ZNF430: variants seen among roughly 807,000 people sequenced by gnomAD.
ZNF430 encodes the protein zinc finger protein 430.
In ZNF430, 35 loss-of-function variants were observed where a neutral mutation model predicts 56.7. That is an observed-to-expected ratio of 0.62 (90% confidence interval 0.47 to 0.82). The LOEUF is 0.82. Ranked by LOEUF, ZNF430 falls within the 40% of genes least tolerant of loss-of-function variation. ZNF430 has a pLI of 0.00. For missense variants in ZNF430, 574 were observed against 661.0 expected, an observed-to-expected ratio of 0.87 and a Z score of 1.44; for synonymous variants, 212 against 224.3, an observed-to-expected ratio of 0.94 and a Z score of 0.49.
chr19:21,042,712 T>C (rs541290106), intron 4 of ZNF430, among the ~76,000 whole-genome samples: 20 of 151,608 alleles, frequency 1.3e-4, no homozygotes, highest in Admixed American at 1.3e-3. Context: ...GGCGTGAACC[T>C]GGGAGGCAGA....
intron 4 of ZNF430, chr19:21,036,650 A>T (rs1210549946): frequency 6.6e-6 from 1 of 152,054 alleles, no homozygotes; most frequent in Non-Finnish European, 1.5e-5. Context: ...AATGTTTTTT[A>T]AAAATAGCCA....
At chr19:21,048,475 A>G (rs1050235655) in intron 4 of ZNF430, among the ~76,000 whole-genome samples, 2 of 151,994 alleles carry the variant, frequency 1.3e-5, no homozygotes, top group East Asian at 1.9e-4. Context: ...GACACAGTAC[A>G]TGTTTTAGAG....
intron 2 of ZNF430, among the ~76,000 whole-genome samples, chr19:21,033,073 G>A (rs1404566276): frequency 1.3e-5 from 2 of 151,750 alleles, no homozygotes; most frequent in Non-Finnish European, 2.9e-5. Flanking sequence ...AAATTATTGG[G>A]GCCGGGCATG....
At chr19:21,028,603 T>C (rs1967845807) in intron 2 of ZNF430, among the ~76,000 whole-genome samples, 1 of 152,234 alleles carries the variant, frequency 6.6e-6, no homozygotes, top group Non-Finnish European at 1.5e-5. Flanking sequence ...GGCAGAATTG[T>C]GTCAGGCTGA....
chr19:21,055,559 C>T (rs1968361161), intron 4 of ZNF430, among the ~76,000 whole-genome samples: 1 of 152,096 alleles, frequency 6.6e-6, no homozygotes. Flanking sequence ...AGTGATTCTC[C>T]TGCCTCAGCC....
chr19:21,041,073 G>A (rs923067527), intron 4 of ZNF430, among the ~76,000 whole-genome samples: 24 of 152,178 alleles, frequency 1.6e-4, no homozygotes, highest in South Asian at 2.1e-4. Flanking sequence ...TATAGACAGC[G>A]TATTGTATGC....
chr19:21,024,388 T>A (rs938349891), intron 2 of ZNF430, among the ~76,000 whole-genome samples: 62 of 152,200 alleles, frequency 4.1e-4, no homozygotes, highest in African/African-American at 1.4e-3. Flanking sequence ...TCCAAAGGAC[T>A]ATTGCAACAG....
In ZNF430 at chr19:21,059,784, CATG is replaced by C. The variant is rs1333485154; in HGVS notation, c.*1765_*1767del. ...TGATCAGTTATTGCTGCATTAAAAA[CATG>C]AGTCTTTTTTATTAGGTGGCCATTA... On this transcript the variant is annotated 3_prime_UTR_variant, in exon 5 of 5. Coordinates refer to ENST00000261560, the MANE Select transcript of ZNF430 (RefSeq NM_025189.4). 6.6e-6 allele frequency: 1 copy of C among 152,016 alleles called. No homozygotes were observed. The highest frequency in any genetic ancestry group is 1.5e-5 in the Non-Finnish European group (1 of 68,000). The allele number at this position is 152,016 out of a possible 1,614,324, so 9.4% of individuals were successfully genotyped here.
chr19:21,033,396 A>G, intron 2 of ZNF430, 60 bp from the exon 3 acceptor site: 1 of 1,553,182 alleles, frequency 6.4e-7, no homozygotes, highest in East Asian at 2.4e-5. Flanking sequence ...TTCAAATAAT[A>G]AATTCTGCCC....
rs1968429710 is a variant in ZNF430 at position 21,059,254 on chromosome 19, T to G, written c.*1233T>G. 6.6e-6 allele frequency: 1 copy of G among 151,944 alleles called. No homozygotes were observed. Among genetic ancestry groups the G allele is most frequent in the South Asian group, 2.1e-4 (1 of 4,810 alleles). The allele number at this position is 151,944 out of a possible 1,614,324, so 9.4% of individuals were successfully genotyped here. On this transcript the variant is annotated 3_prime_UTR_variant, in exon 5 of 5. Coordinates refer to ENST00000261560, the MANE Select transcript of ZNF430 (RefSeq NM_025189.4). ...GAGTGCTGAGTATAGAAAATAAAAC[T>G]GAAGTTGGGGCCAGGTGCAGTGGCT...
At chr19:21,052,810 C>A (rs1049687566) in intron 4 of ZNF430, among the ~76,000 whole-genome samples, 2 of 152,050 alleles carry the variant, frequency 1.3e-5, no homozygotes, top group Non-Finnish European at 2.9e-5. Flanking sequence ...CTATCCAAAC[C>A]CAAAGAATGG....
chr19:21,044,223 A>G (rs541858793), intron 4 of ZNF430, among the ~76,000 whole-genome samples: 49 of 152,188 alleles, frequency 3.2e-4, no homozygotes, highest in African/African-American at 1.2e-3. Flanking sequence ...TGGGTTCATC[A>G]TAAATGACTC....
intron 2 of ZNF430, among the ~76,000 whole-genome samples, chr19:21,023,723 TTC>T (rs150523310): frequency 6.6e-6 from 1 of 152,188 alleles, no homozygotes; most frequent in Admixed American, 6.5e-5. Context: ...AAACATGAGT[TTC>T]TCTCTCTGCA....
At chr19:21,033,674 A>T in intron 3 of ZNF430, 92 bp downstream of exon 3, 1 of 1,372,550 alleles carries the variant, frequency 7.3e-7, no homozygotes, top group South Asian at 1.5e-5. Context: ...TATGCTTTGC[A>T]TAAATGAGTT....
intron 4 of ZNF430, among the ~76,000 whole-genome samples, chr19:21,038,967 C>T (rs1190164301): frequency 6.6e-6 from 1 of 151,580 alleles, no homozygotes; most frequent in African/African-American, 2.4e-5. Context: ...CTGATTGATT[C>T]GAGACAGAGT....
intron 2 of ZNF430, among the ~76,000 whole-genome samples, chr19:21,031,256 AT>A (rs1395652742): frequency 1.3e-5 from 2 of 152,018 alleles, no homozygotes; most frequent in Non-Finnish European, 2.9e-5. Context: ...GATTTCGTTT[AT>A]TGTTCTGGGT....
chr19:21,052,120 T>G (rs1243433895), intron 4 of ZNF430, among the ~76,000 whole-genome samples: 1 of 152,200 alleles, frequency 6.6e-6, no homozygotes, highest in Admixed American at 6.5e-5. Context: ...GTTATAAATT[T>G]TTCAGTTTTT....
chr19:21,034,918 G>C (rs1967971155), intron 4 of ZNF430: 1 of 151,974 alleles, frequency 6.6e-6, no homozygotes, highest in Non-Finnish European at 1.5e-5. Flanking sequence ...GTTTTTTGTT[G>C]TTGTTGTTAA....
At chr19:21,021,527 C>T (rs1052203684) in intron 1 of ZNF430, among the ~76,000 whole-genome samples, 3 of 151,856 alleles carry the variant, frequency 2.0e-5, no homozygotes, top group Non-Finnish European at 2.9e-5. Flanking sequence ...GAAGTCACCA[C>T]AAAAATATTA....
Sources: gnomAD v4.1 joint callset for allele counts (sites outside exome capture counted in the v4.1 genomes callset) on GRCh38, gnomAD v4.1.1 for gene constraint, MANE v1.5 for transcripts, NCBI Gene and HGNC (gene_info 2026-07-23, HGNC 2026-07-21) for gene names.